The following KYNU variants were observed in gnomAD, a reference collection of about 807,000 sequenced individuals.
KYNU encodes the protein kynureninase.
KYNU carries 54 observed loss-of-function variants against 59.2 expected under a neutral mutation model. The ratio of observed to expected loss-of-function variants is 0.91; its 90% confidence interval spans 0.73 to 1.14. The LOEUF is 1.14. KYNU is among the 50% of genes most tolerant of loss of function. KYNU has a pLI of 0.00. For synonymous variants in KYNU, 177 were observed against 192.0 expected (o/e 0.92, Z 0.65); for missense variants, 567 against 554.4 (o/e 1.02, Z -0.23).
At position 143,050,839 on chromosome 2, in the gene KYNU, AT is replaced by A. The variant is rs998080405; in HGVS notation, c.*8674del. 1.3e-5 allele frequency: 2 copies of A among 152,168 alleles called. No individual in the cohort carries two copies. Among genetic ancestry groups the A allele is most frequent in the Admixed American group, 1.3e-4 (2 of 15,274 alleles). The allele number at this position is 152,168 out of a possible 1,614,324, so 9.4% of individuals were successfully genotyped here. ...ATAAACTGAAGTTGTTAGAACATTG[AT>A]TTTTTTAAGTAAATGGATTTTTGCA... On this transcript the variant is annotated 3_prime_UTR_variant, in exon 14 of 14. Transcript: ENST00000264170.
In KYNU at chr2:142,919,793, C is replaced by T. The variant is rs146273650; in HGVS notation, c.290+1064C>T. On this transcript the variant is annotated intron_variant, in intron 3 of 13. Transcript: ENST00000264170. ...TACTAAAAAAATACAAAAATTAGGC[C>T]GGGAATGGTGGCTCACGCCTGTAAT... 3.6e-3 allele frequency among the ~76,000 whole-genome samples: 553 copies of T among 152,150 alleles called. 5 individuals are homozygous for T. Among genetic ancestry groups the T allele is most frequent in the Middle Eastern group, 0.014 (4 of 294 alleles).
intron 11 of KYNU, among the ~76,000 whole-genome samples, chr2:143,031,031 G>A (rs922692163): frequency 1.3e-5 from 2 of 152,168 alleles, no homozygotes; most frequent in African/African-American, 4.8e-5. Flanking sequence ...TACTTAAGAT[G>A]TACTGCTTTT....
chr2:143,025,750 G>T (rs1403295704), intron 10 of KYNU, among the ~76,000 whole-genome samples: 1 of 152,042 alleles, frequency 6.6e-6, no homozygotes, highest in East Asian at 1.9e-4. Context: ...ATAGGCAGAA[G>T]AACCATTGGG....
chr2:142,948,993 A>G (rs1173484445), intron 4 of KYNU, among the ~76,000 whole-genome samples: 1 of 152,258 alleles, frequency 6.6e-6, no homozygotes, highest in African/African-American at 2.4e-5. Flanking sequence ...ACAGCTGTTC[A>G]AAATGGGAGA....
rs756362114 is a variant in KYNU at position 143,042,200 on chromosome 2, A to G, written c.*28A>G. On this transcript the variant is annotated 3_prime_UTR_variant, in exon 14 of 14. Coordinates refer to ENST00000264170, the MANE Select transcript of KYNU (RefSeq NM_003937.3). ...GTGTTTTCTAGAACAACTTAAGCAA[A>G]TTATACTGAAAGCTGCTGTGGTTAT... is the stretch of plus-strand genomic sequence containing the variant. 3.7e-6 allele frequency: 6 copies of G among 1,601,560 alleles called. No individual in the cohort carries two copies. In the East Asian group the frequency reaches 1.3e-4, roughly 36 times the overall value.
At chr2:142,897,080 CT>C (rs1473733799) in intron 2 of KYNU, among the ~76,000 whole-genome samples, 2 of 152,104 alleles carry the variant, frequency 1.3e-5, no homozygotes, top group African/African-American at 4.8e-5. Flanking sequence ...TCCCAGTTTT[CT>C]TTTTATTACT....
intron 10 of KYNU, among the ~76,000 whole-genome samples, chr2:143,006,081 G>A (rs766573804): frequency 1.3e-5 from 2 of 152,262 alleles, no homozygotes; most frequent in East Asian, 3.9e-4. Flanking sequence ...AACAGCTCCG[G>A]TCTACAGCTC....
At chr2:143,022,683 C>T (rs1686442535) in intron 10 of KYNU, among the ~76,000 whole-genome samples, 2 of 151,978 alleles carry the variant, frequency 1.3e-5, no homozygotes, top group South Asian at 2.1e-4. Context: ...TCTATTTCTC[C>T]TATTAAAATC....
intron 4 of KYNU, among the ~76,000 whole-genome samples, chr2:142,943,226 A>C (rs1181465605): frequency 2.0e-5 from 3 of 151,656 alleles, no homozygotes; most frequent in Non-Finnish European, 4.4e-5. Flanking sequence ...CTGACTACCT[A>C]CTGTAACACC....
In KYNU at chr2:143,043,162, A is replaced by G. The variant is rs961997304; in HGVS notation, c.*990A>G. On this transcript the variant is annotated 3_prime_UTR_variant, in exon 14 of 14. Coordinates refer to ENST00000264170, the MANE Select transcript of KYNU (RefSeq NM_003937.3). ...AACTTCCCCTAATATAAGAGCTTAG[A>G]TATTATATTACTATGTTTCCATAGT... is the stretch of plus-strand genomic sequence containing the variant. 2.6e-5 allele frequency: 4 copies of G among 151,944 alleles called. No homozygotes were observed. The highest frequency in any genetic ancestry group is 9.7e-5 in the African/African-American group (4 of 41,390). 9.4% of individuals were successfully genotyped at this position (151,944 alleles called of 1,614,324 possible).
intron 10 of KYNU, among the ~76,000 whole-genome samples, chr2:143,019,288 A>G (rs1034503457): frequency 6.6e-6 from 1 of 151,990 alleles, no homozygotes; most frequent in Admixed American, 6.6e-5. Context: ...TATGGCCTTT[A>G]TGTTATTGGG....
Position 143,054,011 on chromosome 2 carries a change from G to A in KYNU, c.*11839G>A, listed in dbSNP as rs1194909027. The A allele has an allele frequency of 6.6e-6, 1 of 152,154 alleles. No individual in the cohort carries two copies. Among genetic ancestry groups the A allele is most frequent in the African/African-American group, 2.4e-5 (1 of 41,438 alleles). 9.4% of individuals were successfully genotyped at this position (152,154 alleles called of 1,614,324 possible). A position where few individuals can be genotyped will look rare whatever the true frequency, so the allele number is the denominator to read the frequency against. ...ATGCAGAATTGCTTGCTGGTGAGGA[G>A]AAATCCCTATACACATTTTGGTGAC... On this transcript the variant is annotated 3_prime_UTR_variant, in exon 14 of 14. Coordinates refer to ENST00000264170, the MANE Select transcript of KYNU (RefSeq NM_003937.3).
rs1323250302 is a variant in KYNU, at chr2:143,043,847, T to C, written c.*1675T>C. ...TATATATAAAGTATAAATATATATA[T>C]ATTTATACTTTAAGTTCTTGGATAC... On this transcript the variant is annotated 3_prime_UTR_variant, in exon 14 of 14. Coordinates refer to ENST00000264170, the MANE Select transcript of KYNU (RefSeq NM_003937.3). The C allele has an allele frequency of 6.8e-6, 1 of 147,746 alleles. No homozygotes were observed. Among genetic ancestry groups the C allele is most frequent in the East Asian group, 1.9e-4 (1 of 5,130 alleles). The allele number at this position is 147,746 out of a possible 1,614,324, so 9.2% of individuals were successfully genotyped here. A position where few individuals can be genotyped will look rare whatever the true frequency, so the allele number is the denominator to read the frequency against.
At chr2:142,907,426 A>C (rs1304443933) in intron 2 of KYNU, among the ~76,000 whole-genome samples, 1 of 152,184 alleles carries the variant, frequency 6.6e-6, no homozygotes, top group Non-Finnish European at 1.5e-5. Flanking sequence ...AGGAGTGGAA[A>C]TGGGTGCCTT....
At chr2:142,954,502 G>C (rs1032032617) in intron 4 of KYNU, among the ~76,000 whole-genome samples, 2 of 152,066 alleles carry the variant, frequency 1.3e-5, no homozygotes, top group Non-Finnish European at 1.5e-5. Flanking sequence ...TTGGGAATTT[G>C]ACAATTGAGC....
rs569790334 is a variant in KYNU, at chr2:143,021,639, C to T, written c.903-7988C>T. ...AGAGCAAGGAATGAGATGCTACACG[C>T]TTTTAAACGACCAGAAATCACAAGA... On this transcript the variant is annotated intron_variant, in intron 10 of 13. Transcript: ENST00000264170. Among the ~76,000 whole-genome samples the T allele has an allele frequency of 4.6e-5, 7 of 152,204 alleles. No homozygotes were observed. In the South Asian group the frequency reaches 1.2e-3, roughly 27 times the overall value.
intron 3 of KYNU, among the ~76,000 whole-genome samples, chr2:142,926,034 A>G (rs559349099): frequency 8.8e-4 from 134 of 152,324 alleles, no homozygotes; most frequent in Admixed American, 2.7e-3. Flanking sequence ...ACAGGAACAG[A>G]AAACCAAGCA....
At chr2:142,962,319 C>G (rs779606708) in intron 8 of KYNU, among the ~76,000 whole-genome samples, 2 of 152,110 alleles carry the variant, frequency 1.3e-5, no homozygotes, top group African/African-American at 4.8e-5. Flanking sequence ...CTTGACATCT[C>G]GCTTTAAAAG....
chr2:143,014,088 C>T (rs551057373), intron 10 of KYNU, among the ~76,000 whole-genome samples: 7 of 152,340 alleles, frequency 4.6e-5, no homozygotes, highest in Non-Finnish European at 7.3e-5. Flanking sequence ...GGTGCTATCA[C>T]ACACAGGTCC....
Sources: allele counts gnomAD v4.1 joint callset (sites outside exome capture counted in the v4.1 genomes callset), GRCh38; gene constraint gnomAD v4.1.1; transcripts MANE v1.5; gene names NCBI Gene and HGNC (gene_info 2026-07-23, HGNC 2026-07-21).